CRB1: variants seen among roughly 807,000 people sequenced by gnomAD.
CRB1 encodes crumbs cell polarity complex component 1, also known as protein crumbs homolog 1.
Under a neutral mutation model 120.0 loss-of-function variants are expected in CRB1, and 83 were observed. The ratio of observed to expected loss-of-function variants is 0.69; its 90% CI spans 0.58 to 0.83. The LOEUF (loss-of-function observed/expected upper bound fraction) is 0.83, where lower values mean the gene tolerates loss of function less well. Among genes scored for constraint, CRB1 ranks in the 40% least tolerant of loss-of-function variants. CRB1 has a pLI of 0.00. For missense variants in CRB1, 1,699 were observed against 1,687.6 expected (o/e 1.01, Z -0.12); for synonymous variants, 625 against 612.5 (o/e 1.02, Z -0.30).
At chr1:197,454,906 A>T (rs1666201578) in intron 11 of CRB1, among the ~76,000 whole-genome samples, 1 of 152,198 alleles carries the variant, frequency 6.6e-6, no homozygotes, top group African/African-American at 2.4e-5. Flanking sequence ...ATATACACAA[A>T]AAAGTGTGTT....
At chr1:197,391,159 C>T (rs745404759) in intron 5 of CRB1, among the ~76,000 whole-genome samples, 12 of 152,054 alleles carry the variant, frequency 7.9e-5, no homozygotes, top group Non-Finnish European at 1.6e-4. Flanking sequence ...CAATCTTCCT[C>T]AATAGTGGTG....
chr1:197,267,344 G>C (rs993330206), upstream of CRB1, among the ~76,000 whole-genome samples: 1 of 152,108 alleles, frequency 6.6e-6, no homozygotes, highest in Non-Finnish European at 1.5e-5. Context: ...AAGTAAATCT[G>C]TGAGTATGTG....
chr1:197,284,919 TTTCAC>T (rs1159973653), intron 1 of CRB1, among the ~76,000 whole-genome samples: 11 of 151,962 alleles, frequency 7.2e-5, no homozygotes, highest in African/African-American at 2.7e-4. Context: ...GTCAAATTCC[TTTCAC>T]GTCAAATAAA....
At chr1:197,344,830 G>T (rs1659676262) in intron 3 of CRB1, among the ~76,000 whole-genome samples, 1 of 152,124 alleles carries the variant, frequency 6.6e-6, no homozygotes, top group African/African-American at 2.4e-5. Context: ...ATATGTCAAG[G>T]ATATAAATCA....
chr1:197,309,677 C>G (rs1323014438), intron 1 of CRB1, among the ~76,000 whole-genome samples: 1 of 151,778 alleles, frequency 6.6e-6, no homozygotes, highest in Non-Finnish European at 1.5e-5. Context: ...TGGCATGAAC[C>G]CGGGAGGCAG....
At chr1:197,317,547 G>C (rs1190609531) in intron 1 of CRB1, among the ~76,000 whole-genome samples, 1 of 152,088 alleles carries the variant, frequency 6.6e-6, no homozygotes, top group African/African-American at 2.4e-5. Context: ...AAGCAATCTT[G>C]AGCAAAAATA....
At chr1:197,411,678 G>A (rs1663720037) in intron 5 of CRB1, among the ~76,000 whole-genome samples, 2 of 151,908 alleles carry the variant, frequency 1.3e-5, no homozygotes, top group Admixed American at 6.6e-5. Flanking sequence ...TGATATATTA[G>A]CTATATAGAC....
the CRB1 span, among the ~76,000 whole-genome samples, chr1:197,240,685 G>A: frequency 2.3e-4 from 35 of 152,288 alleles, no homozygotes; most frequent in South Asian, 8.3e-4. Context: ...ATGTGTGCAT[G>A]TGTCTTTATA....
intron 5 of CRB1, among the ~76,000 whole-genome samples, chr1:197,405,548 C>T (rs1231860688): frequency 4.1e-5 from 6 of 147,962 alleles, no homozygotes; most frequent in South Asian, 2.2e-4. Context: ...TCGTCTGGGA[C>T]GTGAGGAACC....
At chr1:197,407,588 T>C (rs1663481866) in intron 5 of CRB1, among the ~76,000 whole-genome samples, 1 of 152,158 alleles carries the variant, frequency 6.6e-6, no homozygotes, top group African/African-American at 2.4e-5. Context: ...AGACCAGTTC[T>C]GAGGAAGAGT....
At chr1:197,315,789 T>G (rs1657801873) in intron 1 of CRB1, among the ~76,000 whole-genome samples, 1 of 152,236 alleles carries the variant, frequency 6.6e-6, no homozygotes, top group Non-Finnish European at 1.5e-5. Flanking sequence ...TAGATGCATT[T>G]TTATTTTTGT....
Position 197,427,816 on chromosome 1 carries a change from T to C in CRB1, c.2491T>C (p.Tyr831His), listed in dbSNP as rs1394180573. The change falls in exon 7 of 12, where the codon TAC (tyrosine) becomes CAC (histidine). Residue 831 changes from tyrosine (Y) to histidine (H), a missense_variant. By Grantham distance (83) the Tyr-to-His change is moderately conservative. Transcript: ENST00000367400. ...TWKIEKGDVI[Y>H]IGGLPDKQET... ...GAAAATCGAAAAGGGAGATGTCATCTACATTGGTGGCCTACCTGACAAGCA... is the reference window on the plus strand; with the variant it reads ...GAAAATCGAAAAGGGAGATGTCATCCACATTGGTGGCCTACCTGACAAGCA... 1.2e-6 allele frequency: 2 copies of C among 1,614,102 alleles called. No individual in the cohort carries two copies. Among genetic ancestry groups the C allele is most frequent in the Non-Finnish European group, 1.7e-6 (2 of 1,179,998 alleles).
intron 5 of CRB1, among the ~76,000 whole-genome samples, chr1:197,366,885 T>C (rs536900517): frequency 4.5e-4 from 69 of 152,304 alleles, no homozygotes; most frequent in Non-Finnish European, 5.6e-4. Flanking sequence ...GAGGCAGTAG[T>C]GGTTACTATT....
intron 2 of CRB1, among the ~76,000 whole-genome samples, chr1:197,343,523 GCT>G (rs1438226736): frequency 6.6e-6 from 1 of 151,782 alleles, no homozygotes; most frequent in Non-Finnish European, 1.5e-5. Context: ...AGTGTTAATA[GCT>G]TCTAATGATG....
At chr1:197,432,773 G>A (rs184879305) in intron 8 of CRB1, among the ~76,000 whole-genome samples, 3 of 152,232 alleles carry the variant, frequency 2.0e-5, no homozygotes, top group Admixed American at 2.0e-4. Context: ...ATGCAGGGAG[G>A]CGGTTTTTTT....
At chr1:197,242,040 G>T in the CRB1 span, among the ~76,000 whole-genome samples, 1 of 152,078 alleles carries the variant, frequency 6.6e-6, no homozygotes, top group African/African-American at 2.4e-5. Context: ...CCTTGATTTT[G>T]TATCCTGAGA....
At chr1:197,288,019 T>A (rs1024506892) in intron 1 of CRB1, among the ~76,000 whole-genome samples, 4 of 151,120 alleles carry the variant, frequency 2.6e-5, no homozygotes, top group Non-Finnish European at 5.9e-5. Context: ...CATGAGAGAG[T>A]TTCCGGGCAA....
At chr1:197,245,032 T>C in the CRB1 span, among the ~76,000 whole-genome samples, 2 of 152,088 alleles carry the variant, frequency 1.3e-5, no homozygotes, top group Non-Finnish European at 2.9e-5. Flanking sequence ...TTTATTTGGT[T>C]CTTTTGTATA....
chr1:197,415,648 T>C (rs1663953402), intron 5 of CRB1, among the ~76,000 whole-genome samples: 1 of 137,680 alleles, frequency 7.3e-6, no homozygotes, highest in African/African-American at 2.7e-5. Context: ...TTTCTTTTTT[T>C]TTTTTTTTTT....
Sources: gnomAD v4.1 joint callset for allele counts (sites outside exome capture counted in the v4.1 genomes callset) on GRCh38, gnomAD v4.1.1 for gene constraint, MANE v1.5 for transcripts, NCBI Gene and HGNC (gene_info 2026-07-23, HGNC 2026-07-21) for gene names.